Variants in LRRC4C observed in about 807,000 individuals in gnomAD.
The protein encoded by LRRC4C is leucine rich repeat containing 4C.
In LRRC4C, 5 loss-of-function variants were observed where a neutral mutation model predicts 33.6. That is an observed-to-expected ratio of 0.15 (90% confidence interval 0.08 to 0.31). The LOEUF is 0.31. LRRC4C is among the 10% of genes least tolerant of loss of function. The pLI, the probability that LRRC4C is intolerant of heterozygous loss-of-function variation, is 1.00. For missense variants in LRRC4C, 560 were observed against 796.7 expected, an observed-to-expected ratio of 0.70 and a Z score of 3.58; for synonymous variants, 329 against 302.0, an observed-to-expected ratio of 1.09 and a Z score of -0.93.
intron 1 of LRRC4C, among the ~76,000 whole-genome samples, chr11:41,314,813 A>T (rs1437109163): frequency 6.6e-6 from 1 of 152,154 alleles, no homozygotes; most frequent in Non-Finnish European, 1.5e-5. Flanking sequence ...AAAAAAAACT[A>T]TAAGTAAAGA....
intron 1 of LRRC4C, among the ~76,000 whole-genome samples, chr11:41,154,938 G>A (rs535347508): frequency 6.6e-6 from 1 of 152,276 alleles, no homozygotes; most frequent in South Asian, 2.1e-4. Flanking sequence ...ACTTCAGACT[G>A]GGATCAGAGC....
intron 3 of LRRC4C, among the ~76,000 whole-genome samples, chr11:40,407,988 AATTC>A (rs1299889292): frequency 1.3e-5 from 2 of 152,016 alleles, no homozygotes; most frequent in African/African-American, 4.8e-5. Flanking sequence ...GATTGCAGAT[AATTC>A]ATTATCAGTA....
chr11:41,188,697 AAAAG>A (rs1414191158), intron 1 of LRRC4C, among the ~76,000 whole-genome samples: 2 of 121,842 alleles, frequency 1.6e-5, no homozygotes, highest in African/African-American at 2.7e-5. Flanking sequence ...AGAGAGGAGA[AAAAG>A]AAGCAAAAAA....
At chr11:41,437,855 T>C (rs1024587347) in intron 1 of LRRC4C, among the ~76,000 whole-genome samples, 1 of 152,038 alleles carries the variant, frequency 6.6e-6, no homozygotes, top group Non-Finnish European at 1.5e-5. Context: ...CTGGCTAACA[T>C]GGTGAAACCC....
chr11:40,666,517 T>A (rs76973992), intron 2 of LRRC4C, among the ~76,000 whole-genome samples: 91 of 152,186 alleles, frequency 6.0e-4, no homozygotes, highest in African/African-American at 2.1e-3. Context: ...ATCTGATTGG[T>A]GGGTACACAT....
intron 2 of LRRC4C, among the ~76,000 whole-genome samples, chr11:40,721,922 G>C (rs1177467834): frequency 6.6e-6 from 1 of 152,124 alleles, no homozygotes; most frequent in Non-Finnish European, 1.5e-5. Context: ...TCCAGCCTGG[G>C]CGACAGAGCG....
intron 3 of LRRC4C, among the ~76,000 whole-genome samples, chr11:40,553,920 T>TG (rs748052285): frequency 6.6e-6 from 1 of 152,076 alleles, no homozygotes; most frequent in African/African-American, 2.4e-5. Flanking sequence ...AGTTTCTTTT[T>TG]TGTGTGTGTG....
chr11:40,529,900 C>T lies in LRRC4C; in HGVS notation c.-270+118242G>A, dbSNP rs541071718. ...TATCCTGCTTTAGTTGCTTTACCAA[C>T]ACAGCACATGTAAACCTATGTAACA... is the stretch of plus-strand genomic sequence containing the variant. On this transcript the variant is annotated intron_variant, in intron 3 of 6. Coordinates refer to ENST00000528697, the MANE Select transcript of LRRC4C (RefSeq NM_001258419.2). Among the ~76,000 whole-genome samples the T allele has an allele frequency of 3.3e-5, 5 of 152,226 alleles. No individual in the cohort carries two copies. In the South Asian group the frequency reaches 1.0e-3, roughly 32 times the overall value.
intron 1 of LRRC4C, among the ~76,000 whole-genome samples, chr11:41,251,231 G>A (rs761530443): frequency 7.2e-5 from 11 of 152,166 alleles, no homozygotes; most frequent in Non-Finnish European, 1.0e-4. Context: ...CCATTAAGAA[G>A]GAGGTTTTAT....
chr11:40,666,528 G>A (rs1302688206), intron 2 of LRRC4C, among the ~76,000 whole-genome samples: 2 of 152,146 alleles, frequency 1.3e-5, no homozygotes, highest in Non-Finnish European at 2.9e-5. Flanking sequence ...GGGTACACAT[G>A]TGGCTATATG....
At chr11:40,909,252 T>C (rs1956560848) in intron 2 of LRRC4C, among the ~76,000 whole-genome samples, 1 of 152,140 alleles carries the variant, frequency 6.6e-6, no homozygotes, top group African/African-American at 2.4e-5. Context: ...TTCTATTCTT[T>C]AAAAACTTTC....
At chr11:40,908,783 T>C (rs905354364) in intron 2 of LRRC4C, among the ~76,000 whole-genome samples, 1 of 152,112 alleles carries the variant, frequency 6.6e-6, no homozygotes, top group East Asian at 1.9e-4. Context: ...AATATGCAAA[T>C]TTGCATAAAC....
Position 40,979,595 on chromosome 11 carries a change from G to A in LRRC4C, c.-495-45872C>T, listed in dbSNP as rs534073301. The stretch of plus-strand genomic sequence containing the variant: ...TTTTGGAAGTCTGATTTTAGGTACC[G>A]TCAATGTTAATGAAAATTTGAGAAG... On this transcript the variant is annotated intron_variant, in intron 1 of 6. Coordinates refer to ENST00000528697, the MANE Select transcript of LRRC4C (RefSeq NM_001258419.2). 1.7e-4 allele frequency among the ~76,000 whole-genome samples: 26 copies of A among 152,214 alleles called. No homozygotes were observed. The South Asian group carries it at 3.7e-3, about 22-fold the overall frequency.
intron 2 of LRRC4C, among the ~76,000 whole-genome samples, chr11:40,893,691 C>T (rs963170126): frequency 2.6e-5 from 4 of 151,976 alleles, no homozygotes; most frequent in Non-Finnish European, 2.9e-5. Flanking sequence ...CTACAAAATG[C>T]TTACCAAATT....
At chr11:41,376,648 T>A (rs1028904577) in intron 1 of LRRC4C, among the ~76,000 whole-genome samples, 1 of 152,190 alleles carries the variant, frequency 6.6e-6, no homozygotes. Context: ...TTGTTAGCGA[T>A]GTAAAAATGT....
chr11:40,601,972 C>T (rs188293423), intron 3 of LRRC4C, among the ~76,000 whole-genome samples: 7 of 151,730 alleles, frequency 4.6e-5, no homozygotes, highest in East Asian at 3.9e-4. Flanking sequence ...AGGCAGAACA[C>T]GAGGTCAGGA....
At chr11:41,260,597 A>ATG (rs1272636084) in intron 1 of LRRC4C, among the ~76,000 whole-genome samples, 1 of 151,848 alleles carries the variant, frequency 6.6e-6, no homozygotes, top group Non-Finnish European at 1.5e-5. Context: ...GTATATATAG[A>ATG]TGTATATATA....
intron 1 of LRRC4C, among the ~76,000 whole-genome samples, chr11:41,182,329 G>A (rs1460565493): frequency 6.6e-6 from 1 of 152,130 alleles, no homozygotes; most frequent in Non-Finnish European, 1.5e-5. Flanking sequence ...ATCTACAGGG[G>A]AAATTATATT....
chr11:40,279,862 C>A (rs1378689369), intron 4 of LRRC4C, among the ~76,000 whole-genome samples: 1 of 152,134 alleles, frequency 6.6e-6, no homozygotes, highest in Non-Finnish European at 1.5e-5. Context: ...ATTAGTATTA[C>A]TTATGGGACT....
Sources: allele counts gnomAD v4.1 joint callset (sites outside exome capture counted in the v4.1 genomes callset), GRCh38; gene constraint gnomAD v4.1.1; transcripts MANE v1.5; gene names NCBI Gene and HGNC (gene_info 2026-07-23, HGNC 2026-07-21).